The following DACH2 variants were observed in gnomAD, a reference collection of about 807,000 sequenced individuals.
The protein encoded by DACH2 is dachshund family transcription factor 2.
In DACH2, 17 loss-of-function variants were observed where a neutral mutation model predicts 35.8. The observed-to-expected ratio is 0.48, with a 90% CI of 0.33 to 0.71. DACH2 has a LOEUF of 0.71. Ranked by LOEUF, DACH2 falls within the 30% of genes least tolerant of loss-of-function variation. The pLI is 0.02. For synonymous variants in DACH2, 195 were observed against 177.3 expected, an observed-to-expected ratio of 1.10 and a Z score of -0.79; for missense variants, 469 against 472.7, an observed-to-expected ratio of 0.99 and a Z score of 0.07.
chrX:86,173,782 T>A (rs2031210509), intron 1 of DACH2, among the ~76,000 whole-genome samples: 1 of 111,957 alleles, frequency 8.9e-6, no homozygotes, highest in South Asian at 3.7e-4. Flanking sequence ...TGACTTAGAT[T>A]TTGAAAGGAT....
chrX:86,734,781 A>G (rs1177160355), intron 6 of DACH2, among the ~76,000 whole-genome samples: 3 of 71,898 alleles, frequency 4.2e-5, no homozygotes, highest in Non-Finnish European at 2.7e-5. Context: ...ACAATGAGCA[A>G]ATTTTTTATT....
intron 2 of DACH2, among the ~76,000 whole-genome samples, chrX:86,425,104 C>T (rs761103050): frequency 1.2e-4 from 13 of 110,665 alleles, no homozygotes; most frequent in African/African-American, 3.3e-4. Flanking sequence ...TTTTGCATCA[C>T]GATTCACCAG....
intron 3 of DACH2, among the ~76,000 whole-genome samples, chrX:86,630,950 G>A: frequency 8.9e-6 from 1 of 111,789 alleles, no homozygotes; most frequent in Middle Eastern, 4.6e-3. Context: ...CAGATTGAGT[G>A]TATTCTCTCT....
At chrX:86,748,999 A>T (rs1602892833) in intron 7 of DACH2, among the ~76,000 whole-genome samples, 1 of 111,995 alleles carries the variant, frequency 8.9e-6, no homozygotes, top group Non-Finnish European at 1.9e-5. Context: ...CTTAAACCTC[A>T]TAAACCCACG....
intron 1 of DACH2, among the ~76,000 whole-genome samples, chrX:86,305,492 G>T (rs2034667849): frequency 9.0e-6 from 1 of 111,621 alleles, no homozygotes; most frequent in African/African-American, 3.3e-5. Context: ...ACAAGCACAG[G>T]AGAAATGCTT....
Position 86,435,786 on chromosome X carries a change from G to A in DACH2, c.527+58924G>A, listed in dbSNP as rs35756793. Among the ~76,000 whole-genome samples the A allele has an allele frequency of 6.8e-3, 756 of 111,614 alleles. 19 individuals carry two copies. In the East Asian group the frequency reaches 0.12, roughly 18 times the overall value. On this transcript the variant is annotated intron_variant, in intron 2 of 11. Transcript: ENST00000373125. ...TAGAAAGCTGGATACAAATGTCAGG[G>A]TGAGAATGTGCATTCATTTGTAAGG... is the stretch of plus-strand genomic sequence containing the variant.
intron 1 of DACH2, among the ~76,000 whole-genome samples, chrX:86,315,364 C>A (rs1401188941): frequency 8.9e-6 from 1 of 112,201 alleles, no homozygotes; most frequent in Non-Finnish European, 1.9e-5. Flanking sequence ...CATCTGGTCA[C>A]CCAAGAGCCG....
chrX:86,813,541 G>A (rs1009800933), intron 9 of DACH2, among the ~76,000 whole-genome samples: 1 of 107,704 alleles, frequency 9.3e-6, no homozygotes, highest in Non-Finnish European at 1.9e-5. Flanking sequence ...GAACCCGGGA[G>A]GCGGAGGTTG....
intron 1 of DACH2, among the ~76,000 whole-genome samples, chrX:86,311,648 C>T (rs1199929025): frequency 1.8e-5 from 2 of 111,391 alleles, no homozygotes; most frequent in Non-Finnish European, 3.8e-5. Flanking sequence ...TGCAACATTA[C>T]GTTCTGCTGG....
At chrX:86,827,527 C>G (rs892757641) in intron 11 of DACH2, among the ~76,000 whole-genome samples, 1 of 111,214 alleles carries the variant, frequency 9.0e-6, no homozygotes, top group Non-Finnish European at 1.9e-5. Context: ...CTTTTGCTCA[C>G]TTTTGTATAA....
intron 1 of DACH2, among the ~76,000 whole-genome samples, chrX:86,253,187 A>T (rs759900266): frequency 5.5e-5 from 6 of 109,429 alleles, no homozygotes; most frequent in Non-Finnish European, 7.6e-5. Context: ...AAAATAAATT[A>T]AAAAAAAACT....
chrX:86,417,661 G>A (rs1374368485), intron 2 of DACH2, among the ~76,000 whole-genome samples: 1 of 111,487 alleles, frequency 9.0e-6, no homozygotes, highest in Non-Finnish European at 1.9e-5. Flanking sequence ...GGGAATGGTG[G>A]GAGTTACAAT....
At chrX:86,552,202 C>T (rs977949121) in intron 3 of DACH2, among the ~76,000 whole-genome samples, 2 of 110,853 alleles carry the variant, frequency 1.8e-5, no homozygotes, top group Admixed American at 1.9e-4. Flanking sequence ...CATTTCTCGA[C>T]GTGAATATAA....
At chrX:86,180,126 T>C (rs1391943864) in intron 1 of DACH2, among the ~76,000 whole-genome samples, 2 of 93,150 alleles carry the variant, frequency 2.1e-5, no homozygotes, top group African/African-American at 7.9e-5. Context: ...ATAGTAACCA[T>C]AATAATGATA....
chrX:86,398,206 T>C, intron 2 of DACH2, among the ~76,000 whole-genome samples: 1 of 112,162 alleles, frequency 8.9e-6, no homozygotes, highest in Non-Finnish European at 1.9e-5. Context: ...CTGATGGTAG[T>C]TTGTATTTCT....
At chrX:86,326,963 T>A (rs1385360897) in intron 1 of DACH2, among the ~76,000 whole-genome samples, 2 of 111,699 alleles carry the variant, frequency 1.8e-5, no homozygotes, top group Non-Finnish European at 3.8e-5. Flanking sequence ...TACTCATGTA[T>A]TCATTCATTT....
At chrX:86,341,402 G>A (rs748776059) in intron 1 of DACH2, among the ~76,000 whole-genome samples, 41 of 111,661 alleles carry the variant, frequency 3.7e-4, no homozygotes, top group Non-Finnish European at 7.1e-4. Context: ...TTACAGCACG[G>A]CTTAATAAAT....
At chrX:86,483,317 A>G (rs1157508552) in intron 2 of DACH2, among the ~76,000 whole-genome samples, 2 of 111,076 alleles carry the variant, frequency 1.8e-5, no homozygotes, top group African/African-American at 3.3e-5. Context: ...TGTGATAATC[A>G]TTGATCTATG....
At chrX:86,396,551 G>C (rs1162538258) in intron 2 of DACH2, among the ~76,000 whole-genome samples, 3 of 103,873 alleles carry the variant, frequency 2.9e-5, no homozygotes, top group African/African-American at 1.1e-4. Context: ...AATCCATCTT[G>C]AATTAATTTT....
Sources: allele counts gnomAD v4.1 joint callset (sites outside exome capture counted in the v4.1 genomes callset), GRCh38; gene constraint gnomAD v4.1.1; transcripts MANE v1.5; gene names NCBI Gene and HGNC (gene_info 2026-07-23, HGNC 2026-07-21).